Variants in RP1 observed in about 807,000 individuals in gnomAD.
The protein encoded by RP1 is oxygen-regulated protein 1.
In RP1, 16 loss-of-function variants were observed where a neutral mutation model predicts 14.8. That is an observed-to-expected ratio of 1.08 (90% CI 0.73 to 1.65). RP1 has a LOEUF of 1.65. RP1 is among the 40% of genes most tolerant of loss of function. The probability of loss-of-function intolerance (pLI) is 0.00; values close to 1 mark genes in which losing one functional copy is unlikely to be tolerated. For missense variants in RP1, 2,631 were observed against 2,535.0 expected, an observed-to-expected ratio of 1.04 and a Z score of -0.81; for synonymous variants, 876 against 883.6, an observed-to-expected ratio of 0.99 and a Z score of 0.15.
rs867880328 is a variant in RP1, at chr8:54,626,683, C to T, written c.2801C>T (p.Ser934Leu). 1 of 1,613,880 alleles carries T rather than the reference C, an allele frequency of 6.2e-7. No homozygotes were observed. Among genetic ancestry groups the T allele is most frequent in the Non-Finnish European group, 8.5e-7 (1 of 1,179,900 alleles). ...TATCCAACTTTAAAGCCTATAAAATCAGCTCCAGTATGTAGAAATGAAACG... is the reference window on the plus strand; with the variant it reads ...TATCCAACTTTAAAGCCTATAAAATTAGCTCCAGTATGTAGAAATGAAACG... ...NPYPTLKPIK[S>L]APVCRNETSV... Residue 934 changes from serine to leucine, a missense_variant, in exon 4 of 4, where the codon TCA becomes TTA. Coordinates refer to ENST00000220676, the MANE Select transcript of RP1 (RefSeq NM_006269.2).
At chr8:54,685,058 G>A (rs1807529075) in intron 12 of RP1, among the ~76,000 whole-genome samples, 1 of 152,078 alleles carries the variant, frequency 6.6e-6, no homozygotes. Flanking sequence ...TAGGTGATGG[G>A]TTGATAGGTG....
Position 54,857,027 on chromosome 8 carries a change from G to T in RP1, c.3991-1G>T. On this transcript the variant is annotated splice_acceptor_variant, in intron 26 of 28. Transcript: ENST00000637698. LOFTEE classifies it high-confidence loss of function. The stretch of plus-strand genomic sequence containing the variant: ...ACTGAGTTTATTTCTTTATTGTACA[G>T]GTTGATATTTTTTCCATTAAGGCTG... 1 of 1,125,088 alleles carries T rather than the reference G, an allele frequency of 8.9e-7. No homozygotes were observed. Among genetic ancestry groups the T allele is most frequent in the Non-Finnish European group, 1.1e-6 (1 of 892,170 alleles). 69.7% of individuals were successfully genotyped at this position (1,125,088 alleles called of 1,614,324 possible).
chr8:54,823,629 C>A (rs1016932559), intron 24 of RP1, among the ~76,000 whole-genome samples: 1 of 152,190 alleles, frequency 6.6e-6, no homozygotes, highest in Non-Finnish European at 1.5e-5. Flanking sequence ...CATGCCCAGC[C>A]AGTTTGCTTT....
chr8:54,649,249 T>C (rs1481136693), intron 4 of RP1: 45 of 909,048 alleles, frequency 5.0e-5, no homozygotes, highest in Non-Finnish European at 6.5e-5. Flanking sequence ...CCATGTGCCC[T>C]GTAGAAGATC....
At chr8:54,762,507 G>A (rs527782298) in intron 22 of RP1, among the ~76,000 whole-genome samples, 4 of 152,134 alleles carry the variant, frequency 2.6e-5, no homozygotes, top group African/African-American at 9.6e-5. Context: ...TATAGATAGG[G>A]GTATACATCA....
chr8:54,623,578 G>A (rs191185819), intron 3 of RP1, among the ~76,000 whole-genome samples: 1 of 152,046 alleles, frequency 6.6e-6, no homozygotes, highest in Admixed American at 6.5e-5. Context: ...GATTACAGAT[G>A]TGAGCCATTG....
At chr8:54,734,352 G>T (rs1199359006) in intron 17 of RP1, among the ~76,000 whole-genome samples, 1 of 152,122 alleles carries the variant, frequency 6.6e-6, no homozygotes, top group Admixed American at 6.5e-5. Flanking sequence ...CGGTGATTGA[G>T]TTTCAGTTGA....
At chr8:54,571,558 G>A (rs942995903) in intron 1 of RP1, among the ~76,000 whole-genome samples, 1 of 152,218 alleles carries the variant, frequency 6.6e-6, no homozygotes, top group Non-Finnish European at 1.5e-5. Flanking sequence ...AGACCAGCTG[G>A]AAGGACTGGT....
chr8:54,652,183 T>G (rs1298019693), intron 4 of RP1, among the ~76,000 whole-genome samples: 3 of 152,112 alleles, frequency 2.0e-5, no homozygotes, highest in Non-Finnish European at 4.4e-5. Flanking sequence ...AATTTTTGTA[T>G]TTTTTGTAGA....
intron 24 of RP1, among the ~76,000 whole-genome samples, chr8:54,785,556 C>T (rs993147818): frequency 1.3e-5 from 2 of 151,962 alleles, no homozygotes; most frequent in Non-Finnish European, 2.9e-5. Context: ...TGGGTATATA[C>T]CTAGGAGTAA....
intron 24 of RP1, among the ~76,000 whole-genome samples, chr8:54,805,263 T>C (rs936619337): frequency 1.3e-5 from 2 of 152,262 alleles, no homozygotes; most frequent in Admixed American, 6.5e-5. Context: ...TTGCTAGTTA[T>C]ATAGTATATA....
chr8:54,650,883 T>G (rs1027233681), intron 4 of RP1, among the ~76,000 whole-genome samples: 4 of 152,106 alleles, frequency 2.6e-5, no homozygotes, highest in Non-Finnish European at 5.9e-5. Flanking sequence ...CTTTTGCCAT[T>G]GAGTAGGACG....
rs544518395 is a variant in RP1, at chr8:54,561,319, C to T, written c.-13+1999C>T. 2.6e-4 allele frequency among the ~76,000 whole-genome samples: 40 copies of T among 152,248 alleles called. No homozygotes were observed. In the Middle Eastern group the frequency reaches 0.01, roughly 39 times the overall value. Reference sequence around the variant, plus strand: ...TTCTTCTTTTTGGCCAGAGTTTACACGTTTTAAATTTTAAACTCAGATTCC... The same window carrying T: ...TTCTTCTTTTTGGCCAGAGTTTACATGTTTTAAATTTTAAACTCAGATTCC... On this transcript the variant is annotated intron_variant, in intron 1 of 22. Coordinates refer to the RP1 transcript ENST00000636932.
At chr8:54,661,163 A>G (rs977525243) in intron 6 of RP1, among the ~76,000 whole-genome samples, 2 of 147,690 alleles carry the variant, frequency 1.4e-5, no homozygotes, top group African/African-American at 2.5e-5. Context: ...AAAATTATAT[A>G]TTATGAATAT....
intron 22 of RP1, among the ~76,000 whole-genome samples, chr8:54,760,113 G>A (rs987242447): frequency 3.3e-5 from 5 of 152,190 alleles, no homozygotes; most frequent in African/African-American, 4.8e-5. Context: ...AAACACCCAA[G>A]ATGATTGGAG....
In RP1 at chr8:54,628,186, C is replaced by T. The variant is rs1563332190; in HGVS notation, c.4304C>T (p.Thr1435Ile). Residue 1435 changes from threonine (T) to isoleucine (I), a missense_variant, in exon 4 of 4, where the codon ACT becomes ATT. Coordinates refer to ENST00000220676, the MANE Select transcript of RP1 (RefSeq NM_006269.2). The part of the protein sequence containing the change: ...LRKFQDENAY[T>I]SFDMEEPRTS... ...AAGTTTCAGGATGAAAATGCATATA[C>T]TTCCTTTGATATGGAAGAACCACGG... 6.2e-7 allele frequency: 1 copy of T among 1,613,996 alleles called. No homozygotes were observed. The highest frequency in any genetic ancestry group is 8.5e-7 in the Non-Finnish European group (1 of 1,179,906).
chr8:54,821,982 G>C (rs575245935), intron 24 of RP1, among the ~76,000 whole-genome samples: 1 of 152,152 alleles, frequency 6.6e-6, no homozygotes, highest in Non-Finnish European at 1.5e-5. Context: ...ACTTAACAAG[G>C]CTTCCATTGG....
intron 25 of RP1, among the ~76,000 whole-genome samples, chr8:54,838,979 C>T (rs551329519): frequency 6.6e-6 from 1 of 152,268 alleles, no homozygotes; most frequent in East Asian, 1.9e-4. Context: ...GGATGATGTA[C>T]TTACAGTATA....
At chr8:54,858,553 G>A (rs1254349123) in intron 27 of RP1, among the ~76,000 whole-genome samples, 2 of 151,706 alleles carry the variant, frequency 1.3e-5, no homozygotes, top group Non-Finnish European at 2.9e-5. Flanking sequence ...GAGTGATGTT[G>A]CTGTAGAGCT....
Sources: gnomAD v4.1 joint callset for allele counts (sites outside exome capture counted in the v4.1 genomes callset) on GRCh38, gnomAD v4.1.1 for gene constraint, MANE v1.5 for transcripts, NCBI Gene and HGNC (gene_info 2026-07-23, HGNC 2026-07-21) for gene names.